The following ULK2 variants were observed in gnomAD, a reference collection of about 807,000 sequenced individuals.
ULK2 encodes the protein serine/threonine-protein kinase ULK2.
A neutral mutation model predicts 127.5 loss-of-function variants in ULK2; 76 were observed. The ratio of observed to expected loss-of-function variants is 0.60; its 90% CI spans 0.50 to 0.72. ULK2 has a LOEUF of 0.72. Among genes scored for constraint, ULK2 ranks in the 30% least tolerant of loss-of-function variants. ULK2 has a pLI of 0.00. For synonymous variants in ULK2, 452 were observed against 461.9 expected, an observed-to-expected ratio of 0.98 and a Z score of 0.28; for missense variants, 1,144 against 1,295.9, an observed-to-expected ratio of 0.88 and a Z score of 1.80.
Position 19,777,601 on chromosome 17 carries a change from T to A in ULK2, c.3032A>T (p.Asp1011Val), listed in dbSNP as rs2086835784. ...GLSRILQDPA[D>V]IENVHKYKCS... The stretch of plus-strand genomic sequence containing the variant: ...CTTACATTTATGCACATTTTCAATA[T>A]CTGCAGGGTCCTGTAGAATCCTACT... The change falls in exon 26 of 27, where the codon GAT (aspartate) becomes GTT (valine). Residue 1011 changes from aspartate to valine, a missense_variant. By Grantham distance (152) the Asp-to-Val change is radical. This residue lies in a region of ULK2 where 913 missense variants were observed against 970.5 expected (regional missense o/e 0.94). Transcript: ENST00000395544. 1 of 1,597,474 alleles carries A rather than the reference T, an allele frequency of 6.3e-7. No homozygotes were observed. The highest frequency in any genetic ancestry group is 1.4e-5 in the African/African-American group (1 of 73,914).
chr17:19,825,996 A>AT (rs60281295), intron 11 of ULK2, 143 bp downstream of exon 11: 58,679 of 171,278 alleles, frequency 0.34, 10,938 homozygotes, highest in Middle Eastern at 0.5. Context: ...CAAAAAAAAA[A>AT]AAAAAAAATA....
chr17:19,786,662 T>C (rs205087), intron 20 of ULK2, among the ~76,000 whole-genome samples: 144,844 of 150,770 alleles, frequency 0.96, 69,772 homozygotes, highest in African/African-American at 0.99. Flanking sequence ...TGCAGTGAGC[T>C]GAGATCATGC....
chr17:19,804,754 G>A lies in ULK2; in HGVS notation c.1234C>T (p.Arg412Cys), dbSNP rs779492829. The A allele has an allele frequency of 4.3e-6, 7 of 1,612,592 alleles. No homozygotes were observed. The highest frequency in any genetic ancestry group is 1.6e-4 in the Middle Eastern group (1 of 6,076). Reference protein sequence around the residue: ...PVPTQIRNYQRIEQNLTSTAS... With the variant: ...PVPTQIRNYQCIEQNLTSTAS... ...GTAGATGTAAGATTCTGCTCTATGC[G>A]CTGATAATTCCTTATTTGAGTAGGA... Residue 412 changes from arginine (R) to cysteine (C), a missense_variant, in exon 15 of 27, where the codon CGC becomes TGC. By Grantham distance (180) the Arg-to-Cys change is radical. Around this residue, in one of 2 missense-constraint regions of ULK2, gnomAD observed 913 missense variants for 970.5 expected, o/e 0.94. Transcript: ENST00000395544.
chr17:19,849,412 T>G lies in ULK2; in HGVS notation c.259-7A>C. On this transcript the variant is annotated splice_polypyrimidine_tract_variant and splice_region_variant and intron_variant, in intron 4 of 26. Transcript: ENST00000395544. ...GGTCTCCACCATTGCAATACTGACA[T>G]AGAAAAGAGAAAGTAATGAAAATAA... 1 of 1,604,256 alleles carries G rather than the reference T, an allele frequency of 6.2e-7. No homozygotes were observed. Among genetic ancestry groups the G allele is most frequent in the East Asian group, 2.2e-5 (1 of 44,766 alleles).
chr17:19,838,633 AAACATT>A (rs766825279), intron 9 of ULK2, 50 bp from the exon 10 acceptor site: 12 of 1,511,648 alleles, frequency 7.9e-6, no homozygotes, highest in Non-Finnish European at 1.1e-5. Context: ...TTATATACAT[AAACATT>A]AACTTTTGCC....
At chr17:19,836,835 G>A (rs1221283246) in intron 10 of ULK2, among the ~76,000 whole-genome samples, 1 of 150,424 alleles carries the variant, frequency 6.6e-6, no homozygotes, top group African/African-American at 2.4e-5. Flanking sequence ...AACCCAGGAG[G>A]CGGAAGTTGC....
chr17:19,812,622 T>G (rs925354746), intron 13 of ULK2, among the ~76,000 whole-genome samples: 1 of 152,218 alleles, frequency 6.6e-6, no homozygotes, highest in Non-Finnish European at 1.5e-5. Flanking sequence ...AGCTCGCTGC[T>G]GCCACCCAGC....
chr17:19,827,649 C>T (rs565826923), intron 10 of ULK2, among the ~76,000 whole-genome samples: 3 of 152,296 alleles, frequency 2.0e-5, no homozygotes, highest in East Asian at 1.9e-4. Flanking sequence ...TGGTGGCTCA[C>T]GCCTATAATC....
intron 24 of ULK2, 34 bp downstream of exon 24, chr17:19,780,952 G>C: frequency 6.3e-7 from 1 of 1,587,646 alleles, no homozygotes; most frequent in Non-Finnish European, 8.6e-7. Context: ...CTTAAGGACT[G>C]ACCCCTGGAG....
At chr17:19,793,094 G>T (rs1385197329) in intron 20 of ULK2, among the ~76,000 whole-genome samples, 4 of 152,174 alleles carry the variant, frequency 2.6e-5, no homozygotes, top group Admixed American at 2.0e-4. Flanking sequence ...GAAGGCCTCA[G>T]GAAACTTACG....
rs1002513945 is a variant in ULK2 at position 19,822,135 on chromosome 17, G to A, written c.924+2959C>T. Among the ~76,000 whole-genome samples, 8 of 151,398 alleles carry A rather than the reference G, an allele frequency of 5.3e-5. No homozygotes were observed. The South Asian group carries it at 8.4e-4, about 16-fold the overall frequency. On this transcript the variant is annotated intron_variant, in intron 12 of 26. Coordinates refer to ENST00000395544, the MANE Select transcript of ULK2 (RefSeq NM_014683.4). ...CAAGTAGCTGGGATTACAGGCGCAC[G>A]CCACCACACCTGGCTAATTTTTGTA...
chr17:19,793,411 A>T (rs1244993799), intron 20 of ULK2, among the ~76,000 whole-genome samples: 1 of 152,230 alleles, frequency 6.6e-6, no homozygotes, highest in Non-Finnish European at 1.5e-5. Context: ...ACAGGGAAAG[A>T]ATAGTCTTCA....
chr17:19,859,638 A>G lies in ULK2; in HGVS notation c.225+5165T>C, dbSNP rs188027736. Reference sequence around the variant, plus strand: ...CATCTTTCTCTGCAATACTGTTTCCAATAGGGAAAAAATAGGAAACACTCC... The same window carrying G: ...CATCTTTCTCTGCAATACTGTTTCCGATAGGGAAAAAATAGGAAACACTCC... On this transcript the variant is annotated intron_variant, in intron 3 of 26. Transcript: ENST00000395544. Among the ~76,000 whole-genome samples the G allele has an allele frequency of 3.7e-3, 563 of 152,320 alleles. 4 individuals carry two copies. The highest frequency in any genetic ancestry group is 0.013 in the African/African-American group (540 of 41,570).
In ULK2 at chr17:19,771,110, A is replaced by G. The variant is rs1427306725; in HGVS notation, c.*5239T>C. 3 of 152,198 alleles carry G rather than the reference A, an allele frequency of 2.0e-5. No homozygotes were observed. In the East Asian group the frequency reaches 5.8e-4, roughly 29 times the overall value. The allele number at this position is 152,198 out of a possible 1,614,324, so 9.4% of individuals were successfully genotyped here. ...TGCATTAGAAACTCAAGGAGTGAGCATTTGGGCTTCCTAAGGGTGAGACAG... is the reference window on the plus strand; with the variant it reads ...TGCATTAGAAACTCAAGGAGTGAGCGTTTGGGCTTCCTAAGGGTGAGACAG... On this transcript the variant is annotated 3_prime_UTR_variant, in exon 27 of 27. Coordinates refer to ENST00000395544, the MANE Select transcript of ULK2 (RefSeq NM_014683.4).
intron 25 of ULK2, among the ~76,000 whole-genome samples, chr17:19,779,007 C>T (rs2086863277): frequency 6.6e-6 from 1 of 152,132 alleles, no homozygotes; most frequent in South Asian, 2.1e-4. Flanking sequence ...AATAATTTAT[C>T]ATATGAGGTC....
chr17:19,790,327 T>C (rs1314257777), intron 20 of ULK2, among the ~76,000 whole-genome samples: 1 of 152,022 alleles, frequency 6.6e-6, no homozygotes, highest in East Asian at 1.9e-4. Context: ...TGAGGCAGGA[T>C]AATCGCTTGA....
At chr17:19,843,801 C>T (rs748062217) in intron 7 of ULK2, among the ~76,000 whole-genome samples, 40 of 151,614 alleles carry the variant, frequency 2.6e-4, no homozygotes, top group Admixed American at 5.3e-4. Context: ...TAGGATTACA[C>T]GCGCCTGCAA....
chr17:19,866,403 G>C (rs1448014608), intron 1 of ULK2, among the ~76,000 whole-genome samples: 1 of 152,098 alleles, frequency 6.6e-6, no homozygotes, highest in African/African-American at 2.4e-5. Flanking sequence ...AGCTACTCAG[G>C]AGGCTGAGGC....
chr17:19,856,273 T>C (rs2042123653), intron 3 of ULK2: 2 of 152,356 alleles, frequency 1.3e-5, no homozygotes, highest in Admixed American at 1.3e-4. Flanking sequence ...GTATATGGCA[T>C]GCTTATTTTT....
Sources: gnomAD v4.1 joint callset for allele counts (sites outside exome capture counted in the v4.1 genomes callset) on GRCh38, gnomAD v4.1.1 for gene constraint, gnomAD v4.1.1 regional missense constraint, MANE v1.5 for transcripts, NCBI Gene and HGNC (gene_info 2026-07-23, HGNC 2026-07-21) for gene names.